The following ASPH variants were observed in gnomAD, a reference collection of about 807,000 sequenced individuals.
The protein encoded by ASPH is aspartyl/asparaginyl beta-hydroxylase.
ASPH carries 100 observed loss-of-function variants against 118.4 expected under a neutral mutation model. The ratio of observed to expected loss-of-function variants is 0.84; its 90% CI spans 0.72 to 1.00. The LOEUF (loss-of-function observed/expected upper bound fraction) is 1.00. Among genes scored for constraint, ASPH ranks in the 50% least tolerant of loss-of-function variants. The probability of loss-of-function intolerance (pLI) is 0.00; values close to 1 mark genes in which losing one functional copy is unlikely to be tolerated. For synonymous variants in ASPH, 315 were observed against 325.6 expected, an observed-to-expected ratio of 0.97 and a Z score of 0.35; for missense variants, 920 against 919.5, an observed-to-expected ratio of 1.00 and a Z score of -0.01.
At chr8:61,534,483 A>T (rs1818743899) in intron 21 of ASPH, among the ~76,000 whole-genome samples, 1 of 152,234 alleles carries the variant, frequency 6.6e-6, no homozygotes, top group Non-Finnish European at 1.5e-5. Context: ...GAAAGTAAAA[A>T]AAAAAGTATC....
intron 14 of ASPH, among the ~76,000 whole-genome samples, chr8:61,604,698 C>G (rs1845063206): frequency 6.6e-6 from 1 of 152,112 alleles, no homozygotes; most frequent in South Asian, 2.1e-4. Flanking sequence ...TGGTTGTTAA[C>G]AGATGACAAA....
intron 1 of ASPH, among the ~76,000 whole-genome samples, chr8:61,689,476 G>A (rs552350954): frequency 3.8e-4 from 58 of 152,010 alleles, no homozygotes; most frequent in Non-Finnish European, 5.9e-4. Flanking sequence ...AAACATATTC[G>A]GATTAAAGAC....
At chr8:61,648,023 A>G (rs7829875) in intron 5 of ASPH, among the ~76,000 whole-genome samples, 123,251 of 151,976 alleles carry the variant, frequency 0.81, 50,075 homozygotes, top group Non-Finnish European at 0.84. Flanking sequence ...CTCAGGGATT[A>G]GGACGAGTAT....
chr8:61,552,235 A>G (rs1021224343), intron 20 of ASPH, among the ~76,000 whole-genome samples: 2 of 152,216 alleles, frequency 1.3e-5, no homozygotes, highest in Admixed American at 1.3e-4. Flanking sequence ...AAAGCAGGAC[A>G]GGAAAGGAGG....
intron 14 of ASPH, among the ~76,000 whole-genome samples, chr8:61,597,364 A>G (rs1007705885): frequency 6.6e-6 from 1 of 152,116 alleles, no homozygotes; most frequent in African/African-American, 2.4e-5. Flanking sequence ...AAAAGAAAGG[A>G]AAGAAAAGAA....
intron 13 of ASPH, chr8:61,631,563 T>TGA (rs1855608650): frequency 6.6e-6 from 1 of 152,222 alleles, no homozygotes; most frequent in African/African-American, 2.4e-5. Context: ...TGTAGTAGGC[T>TGA]ACTCTATGAT....
At chr8:61,647,910 G>T (rs1808860183) in intron 5 of ASPH, among the ~76,000 whole-genome samples, 1 of 152,068 alleles carries the variant, frequency 6.6e-6, no homozygotes, top group Non-Finnish European at 1.5e-5. Flanking sequence ...GTTAAGACTG[G>T]GTATTGCATC....
At chr8:61,655,274 A>G (rs1563413201) in intron 3 of ASPH, among the ~76,000 whole-genome samples, 4 of 152,118 alleles carry the variant, frequency 2.6e-5, no homozygotes. Flanking sequence ...TGAGTAGAAG[A>G]GGGAAGGGGA....
At chr8:61,653,486 G>T (rs1812122162) in intron 4 of ASPH, 82 bp downstream of exon 4, 1 of 1,343,272 alleles carries the variant, frequency 7.4e-7, no homozygotes, top group Non-Finnish European at 1.0e-6. Flanking sequence ...ACAAATTCCA[G>T]GTAAAACGTG....
chr8:61,509,409 A>C (rs549681738), intron 24 of ASPH, among the ~76,000 whole-genome samples: 14 of 152,318 alleles, frequency 9.2e-5, no homozygotes, highest in South Asian at 8.3e-4. Context: ...CACATAGGGT[A>C]ATCTCCTGAC....
At chr8:61,505,885 T>G (rs1806350169) in intron 24 of ASPH, among the ~76,000 whole-genome samples, 1 of 152,192 alleles carries the variant, frequency 6.6e-6, no homozygotes, top group South Asian at 2.1e-4. Context: ...AGTCCACAGC[T>G]TCCACAGTTA....
At chr8:61,509,233 C>T (rs1170301988) in intron 24 of ASPH, among the ~76,000 whole-genome samples, 5 of 151,998 alleles carry the variant, frequency 3.3e-5, no homozygotes, top group South Asian at 2.1e-4. Flanking sequence ...GAATTCAGGG[C>T]GAGTCCATGG....
At chr8:61,661,640 C>T (rs1816966363) in intron 3 of ASPH, 1 of 248,368 alleles carries the variant, frequency 4.0e-6, no homozygotes, top group African/African-American at 2.2e-5. Context: ...TAACTTAAAA[C>T]ATTTCAAATT....
In ASPH at chr8:61,571,968, T is replaced by C. The variant is rs987837509; in HGVS notation, c.1150-4650A>G. ...TGACCAAACTAATTTATAAAAATCA[T>C]ACAGTTGCTGTCTGCTAAAGCTGGT... On this transcript the variant is annotated intron_variant, in intron 16 of 24. Transcript: ENST00000379454. Among the ~76,000 whole-genome samples the C allele has an allele frequency of 4.6e-5, 7 of 152,344 alleles. No individual in the cohort carries two copies. In the South Asian group the frequency reaches 1.5e-3, roughly 32 times the overall value.
chr8:61,701,485 T>TG (rs1835233652), intron 1 of ASPH, among the ~76,000 whole-genome samples: 2 of 152,184 alleles, frequency 1.3e-5, no homozygotes, highest in Non-Finnish European at 2.9e-5. Context: ...ATAAAATAAA[T>TG]ACAAGGGGCT....
At chr8:61,684,338 C>A in intron 1 of ASPH, 150 bp from the exon 2 acceptor site, 1 of 800,208 alleles carries the variant, frequency 1.2e-6, no homozygotes, top group Non-Finnish European at 1.9e-6. Flanking sequence ...ACACGTCACA[C>A]AAAATATTTC....
intron 10 of ASPH, among the ~76,000 whole-genome samples, chr8:61,638,666 A>G (rs1005295800): frequency 6.6e-6 from 1 of 152,172 alleles, no homozygotes; most frequent in Non-Finnish European, 1.5e-5. Flanking sequence ...CTGGGAATCA[A>G]CTGGATCCTG....
chr8:61,668,628 T>C (rs1245416595), intron 3 of ASPH, among the ~76,000 whole-genome samples: 1 of 152,174 alleles, frequency 6.6e-6, no homozygotes, highest in Non-Finnish European at 1.5e-5. Context: ...TTAAAAATAC[T>C]AGAGTGAAGG....
At position 61,618,994 on chromosome 8, in the gene ASPH, T is replaced by C. The variant is rs1849959285; in HGVS notation, c.960A>G (p.Pro320=). ...CAATCTCACCTTTTGCTTTTTGTTCTGGATCATCTGTTTTTCTATTTGTTT... is the reference window on the plus strand; with the variant it reads ...CAATCTCACCTTTTGCTTTTTGTTCCGGATCATCTGTTTTTCTATTTGTTT... ...PPETNRKTDD[P]EQKAKVKKKK... is the part of the protein sequence containing the mutation. Residue 320 remains proline (P), a synonymous_variant, in exon 14 of 25, where the codon CCA becomes CCG. Transcript: ENST00000379454. 1 of 1,606,162 alleles carries C rather than the reference T, an allele frequency of 6.2e-7. No individual in the cohort carries two copies. The highest frequency in any genetic ancestry group is 8.5e-7 in the Non-Finnish European group (1 of 1,173,744).
Sources: allele counts gnomAD v4.1 joint callset (sites outside exome capture counted in the v4.1 genomes callset), GRCh38; gene constraint gnomAD v4.1.1; transcripts MANE v1.5; gene names NCBI Gene and HGNC (gene_info 2026-07-23, HGNC 2026-07-21).